The following HTD2 variants were observed in gnomAD, a reference collection of about 807,000 sequenced individuals.
HTD2 encodes the protein hydroxyacyl-thioester dehydratase type 2, mitochondrial.
HTD2 carries 1 observed loss-of-function variant against 3.1 expected under a neutral mutation model. The ratio of observed to expected loss-of-function variants is 0.32; its 90% CI spans 0.11 to 1.52. The LOEUF is 1.52. HTD2 is among the 40% of genes most tolerant of loss of function. HTD2 has a pLI of 0.39. For synonymous variants in HTD2, 50 were observed against 28.9 expected (o/e 1.73, Z -2.34); for missense variants, 150 against 79.6 (o/e 1.88, Z -3.36).
At position 58,317,799 on chromosome 3, in the gene HTD2, T is replaced by A. The variant is rs1317673213; in HGVS notation, c.186T>A (p.Asp62Glu). The change falls in exon 5 of 5, where the codon GAT becomes GAA. Residue 62 changes from aspartate to glutamate, a missense_variant. Asp to Glu is a conservative substitution (Grantham distance 45). Coordinates refer to ENST00000461393, the MANE Select transcript of HTD2 (RefSeq NM_001348712.2). The part of the protein sequence containing the change: ...DVATFSELTG[D>E]VNPLHLNEDF... The stretch of plus-strand genomic sequence containing the variant: ...CTACCTTCTCAGAATTAACAGGGGA[T>A]GTCAATCCTTTGCATTTGAATGAAG... 1 of 703,090 alleles carries A rather than the reference T, an allele frequency of 1.4e-6. No individual in the cohort carries two copies. Among genetic ancestry groups the A allele is most frequent in the Admixed American group, 2.0e-5 (1 of 50,016 alleles). 43.6% of individuals were successfully genotyped at this position (703,090 alleles called of 1,614,324 possible). A position where few individuals can be genotyped will look rare whatever the true frequency, so the allele number is the denominator to read the frequency against.
At chr3:58,309,443 C>G (rs2097479674) in intron 1 of HTD2, among the ~76,000 whole-genome samples, 1 of 152,144 alleles carries the variant, frequency 6.6e-6, no homozygotes, top group Non-Finnish European at 1.5e-5. Flanking sequence ...GCTGGGTGCT[C>G]ATAAGGAAAA....
Position 58,318,348 on chromosome 3 carries a change from T to C in HTD2, c.*228T>C. The C allele has an allele frequency of 4.9e-6, 2 of 405,722 alleles. No individual in the cohort carries two copies. Among genetic ancestry groups the C allele is most frequent in the East Asian group, 3.9e-5 (1 of 25,638 alleles). The allele number at this position is 405,722 out of a possible 1,614,324, so 25.1% of individuals were successfully genotyped here. A position where few individuals can be genotyped will look rare whatever the true frequency, so the allele number is the denominator to read the frequency against. The stretch of plus-strand genomic sequence containing the variant: ...TCATTATCTGCCTGGGTTTTTTGTT[T>C]GTTTTTTGTTTTTTAATTCAAGAAG... On this transcript the variant is annotated 3_prime_UTR_variant, in exon 5 of 5. Coordinates refer to ENST00000461393, the MANE Select transcript of HTD2 (RefSeq NM_001348712.2).
At chr3:58,314,377 AAAG>A (rs1258885744) in intron 2 of HTD2, among the ~76,000 whole-genome samples, 5 of 152,192 alleles carry the variant, frequency 3.3e-5, no homozygotes, top group African/African-American at 1.2e-4. Flanking sequence ...TAATAATAAA[AAAG>A]AAGTATCAGA....
At chr3:58,313,827 T>C (rs1404990555) in intron 2 of HTD2, among the ~76,000 whole-genome samples, 1 of 151,994 alleles carries the variant, frequency 6.6e-6, no homozygotes, top group Non-Finnish European at 1.5e-5. Flanking sequence ...AAAAGATGAA[T>C]TACACACTGG....
chr3:58,312,869 G>A (rs2097483801), intron 2 of HTD2, among the ~76,000 whole-genome samples: 1 of 150,842 alleles, frequency 6.6e-6, no homozygotes, highest in Non-Finnish European at 1.5e-5. Context: ...ACTGAGGCAG[G>A]AGAATTGCTT....
At chr3:58,313,275 A>G (rs911143032) in intron 2 of HTD2, among the ~76,000 whole-genome samples, 9 of 152,332 alleles carry the variant, frequency 5.9e-5, no homozygotes, top group Admixed American at 4.6e-4. Context: ...AAGGCTCCTC[A>G]TGAAAAAAAG....
chr3:58,312,655 T>C (rs953842408), intron 2 of HTD2, among the ~76,000 whole-genome samples: 1 of 152,048 alleles, frequency 6.6e-6, no homozygotes, highest in Non-Finnish European at 1.5e-5. Context: ...GCAGAACCAC[T>C]TTTAATGAGA....
At chr3:58,316,399 A>G in intron 2 of HTD2, 116 bp from the exon 3 acceptor site, 3 of 932,670 alleles carry the variant, frequency 3.2e-6, no homozygotes, top group Non-Finnish European at 5.1e-6. Flanking sequence ...GCACCATTAA[A>G]TAAAATACTG....
chr3:58,311,155 TTG>T (rs2097481824), intron 2 of HTD2, among the ~76,000 whole-genome samples: 1 of 151,958 alleles, frequency 6.6e-6, no homozygotes, highest in Non-Finnish European at 1.5e-5. Context: ...GTTGTTGTTG[TTG>T]TTGTTGTTTT....
At chr3:58,317,082 T>C in intron 4 of HTD2, 89 bp downstream of exon 4, 2 of 921,828 alleles carry the variant, frequency 2.2e-6, no homozygotes, top group Non-Finnish European at 3.5e-6. Flanking sequence ...TGTGCTTGCA[T>C]AAATGTAATA....
Position 58,317,662 on chromosome 3 carries a change from A to T in HTD2, c.49A>T (p.Arg17Trp), listed in dbSNP as rs1027998451. The change falls in exon 5 of 5, where the codon AGG becomes TGG. Residue 17 changes from arginine to tryptophan, a missense_variant. Arg to Trp is a moderately radical substitution (Grantham distance 101). Coordinates refer to ENST00000461393, the MANE Select transcript of HTD2 (RefSeq NM_001348712.2). ...TCACCTTTGGTGGGGTGGGCTTCGG[A>T]GGACAGTCTGTCTGAACCTGCCAGT... Reference protein sequence around the residue: ...SHHLWWGGLRRTVCLNLPVLT... With the variant: ...SHHLWWGGLRWTVCLNLPVLT... The T allele has an allele frequency of 2.8e-6, 2 of 709,044 alleles. No individual in the cohort carries two copies. Among genetic ancestry groups the T allele is most frequent in the Non-Finnish European group, 2.6e-6 (1 of 389,388 alleles). 43.9% of individuals were successfully genotyped at this position (709,044 alleles called of 1,614,324 possible).
intron 1 of HTD2, among the ~76,000 whole-genome samples, chr3:58,307,485 G>A (rs945571889): frequency 1.4e-4 from 22 of 152,298 alleles, no homozygotes; most frequent in African/African-American, 5.1e-4. Context: ...GCACTTTGAG[G>A]GGGCCGAGGT....
At chr3:58,312,608 A>C (rs2097483535) in intron 2 of HTD2, among the ~76,000 whole-genome samples, 2 of 152,182 alleles carry the variant, frequency 1.3e-5, no homozygotes, top group South Asian at 4.1e-4. Context: ...GGCACCTGCA[A>C]ACTCTTTTCC....
At chr3:58,307,326 T>TA (rs1340959704) in intron 1 of HTD2, among the ~76,000 whole-genome samples, 1 of 152,140 alleles carries the variant, frequency 6.6e-6, no homozygotes, top group Non-Finnish European at 1.5e-5. Flanking sequence ...TAGATGTTAA[T>TA]AGACTCACTG....
intron 1 of HTD2, among the ~76,000 whole-genome samples, chr3:58,308,189 C>T (rs1403836561): frequency 6.6e-6 from 1 of 152,172 alleles, no homozygotes; most frequent in Admixed American, 6.5e-5. Flanking sequence ...TTTCCGCTGT[C>T]CTGAAACCAA....
chr3:58,310,186 G>A, intron 1 of HTD2: 5 of 680,134 alleles, frequency 7.4e-6, no homozygotes, highest in Non-Finnish European at 1.3e-5. Context: ...CAGCCTAGGT[G>A]ACAGGGTGAG....
chr3:58,309,081 A>G (rs1401720444), intron 1 of HTD2, among the ~76,000 whole-genome samples: 1 of 152,204 alleles, frequency 6.6e-6, no homozygotes, highest in East Asian at 1.9e-4. Context: ...ATAGTCTTGC[A>G]CAGACCTGGC....
intron 2 of HTD2, among the ~76,000 whole-genome samples, chr3:58,314,969 G>A (rs1374760058): frequency 6.6e-6 from 1 of 152,140 alleles, no homozygotes; most frequent in Non-Finnish European, 1.5e-5. Flanking sequence ...ACAGGTGTGA[G>A]CCACCATGCC....
chr3:58,320,018 TTC>T lies in HTD2; in HGVS notation c.*1900_*1901del, dbSNP rs2097492859. Reference sequence around the variant, plus strand: ...AGTCTTTGGGAATCACCAGTCTACTTTCTGTCTCTATGGGTTTCCCTGTTCTG... The same window carrying T: ...AGTCTTTGGGAATCACCAGTCTACTTTGTCTCTATGGGTTTCCCTGTTCTG... On this transcript the variant is annotated 3_prime_UTR_variant, in exon 5 of 5. Coordinates refer to ENST00000461393, the MANE Select transcript of HTD2 (RefSeq NM_001348712.2). 1 of 152,174 alleles carries T rather than the reference TTC, an allele frequency of 6.6e-6. No individual in the cohort carries two copies. Among genetic ancestry groups the T allele is most frequent in the African/African-American group, 2.4e-5 (1 of 41,454 alleles). The allele number at this position is 152,174 out of a possible 1,614,324, so 9.4% of individuals were successfully genotyped here.
Sources: gnomAD v4.1 joint callset for allele counts (sites outside exome capture counted in the v4.1 genomes callset) on GRCh38, gnomAD v4.1.1 for gene constraint, MANE v1.5 for transcripts, NCBI Gene and HGNC (gene_info 2026-07-23, HGNC 2026-07-21) for gene names.